Variants in CNTNAP5 observed in about 807,000 individuals in gnomAD.
The protein encoded by CNTNAP5 is contactin-associated protein-like 5.
A neutral mutation model predicts 150.2 loss-of-function variants in CNTNAP5; 72 were observed. The observed-to-expected ratio is 0.48, with a 90% CI of 0.40 to 0.58. The LOEUF (loss-of-function observed/expected upper bound fraction) is 0.58, where lower values mean the gene tolerates loss of function less well. Ranked by LOEUF, CNTNAP5 falls within the 20% of genes least tolerant of loss-of-function variation. The probability of loss-of-function intolerance (pLI) is 0.00; values close to 1 mark genes in which losing one functional copy is unlikely to be tolerated. For synonymous variants in CNTNAP5, 672 were observed against 619.8 expected, an observed-to-expected ratio of 1.08 and a Z score of -1.25; for missense variants, 1,636 against 1,626.2, an observed-to-expected ratio of 1.01 and a Z score of -0.10.
chr2:124,423,524 A>G (rs575467225), intron 4 of CNTNAP5, among the ~76,000 whole-genome samples: 1 of 151,090 alleles, frequency 6.6e-6, no homozygotes, highest in East Asian at 2.0e-4. Context: ...TTATTTATTT[A>G]TTTTTTGTAT....
chr2:124,856,431 T>G (rs2104709217), intron 19 of CNTNAP5, among the ~76,000 whole-genome samples: 1 of 152,322 alleles, frequency 6.6e-6, no homozygotes, highest in African/African-American at 2.4e-5. Flanking sequence ...TCTACAATGG[T>G]TGTACTAGTT....
intron 13 of CNTNAP5, among the ~76,000 whole-genome samples, chr2:124,662,485 A>G (rs983152155): frequency 6.6e-6 from 1 of 152,212 alleles, no homozygotes; most frequent in Non-Finnish European, 1.5e-5. Context: ...GACTGTATAC[A>G]TGTATTTATA....
chr2:124,784,420 A>G (rs1681521639), intron 17 of CNTNAP5, among the ~76,000 whole-genome samples: 1 of 152,168 alleles, frequency 6.6e-6, no homozygotes, highest in Non-Finnish European at 1.5e-5. Context: ...GTTTTCAAAG[A>G]CAGTCTTAGA....
chr2:124,711,048 G>C (rs1679796110), intron 13 of CNTNAP5, among the ~76,000 whole-genome samples: 1 of 152,018 alleles, frequency 6.6e-6, no homozygotes, highest in African/African-American at 2.4e-5. Flanking sequence ...AGAGGCGGGT[G>C]GATTACGAGG....
chr2:124,605,108 G>A (rs1697071386), intron 11 of CNTNAP5, among the ~76,000 whole-genome samples: 1 of 152,082 alleles, frequency 6.6e-6, no homozygotes, highest in East Asian at 1.9e-4. Flanking sequence ...AAACTCCCCT[G>A]CTACAGTGTG....
intron 3 of CNTNAP5, among the ~76,000 whole-genome samples, chr2:124,289,566 A>G (rs548895334): frequency 1.3e-5 from 2 of 152,242 alleles, no homozygotes; most frequent in Non-Finnish European, 2.9e-5. Context: ...AAACGTAATA[A>G]AATGAAATCT....
intron 10 of CNTNAP5, among the ~76,000 whole-genome samples, chr2:124,555,295 T>C (rs1393337864): frequency 6.6e-6 from 1 of 152,142 alleles, no homozygotes; most frequent in African/African-American, 2.4e-5. Context: ...GGCTTAAAAA[T>C]TGCATGCCTA....
chr2:124,376,553 A>G lies in CNTNAP5; in HGVS notation c.382-40890A>G, dbSNP rs142465150. On this transcript the variant is annotated intron_variant, in intron 3 of 23. Transcript: ENST00000682447. ...AAATACCAGGATGCTTGACATTACT[A>G]TATGTACCGTGTGTGTGTGAGTGTG... Among the ~76,000 whole-genome samples the G allele has an allele frequency of 1.1e-4, 17 of 152,034 alleles. No individual in the cohort carries two copies. In the East Asian group the frequency reaches 2.9e-3, roughly 26 times the overall value.
intron 8 of CNTNAP5, among the ~76,000 whole-genome samples, chr2:124,515,958 C>G (rs1694705408): frequency 6.6e-6 from 1 of 152,116 alleles, no homozygotes; most frequent in African/African-American, 2.4e-5. Context: ...TAACCTTGCT[C>G]TTTAGGTAGT....
At chr2:124,468,539 C>A (rs943652152) in intron 6 of CNTNAP5, among the ~76,000 whole-genome samples, 1 of 151,994 alleles carries the variant, frequency 6.6e-6, no homozygotes, top group Non-Finnish European at 1.5e-5. Context: ...TGTGGGTGGA[C>A]CTTCCTGAGG....
At chr2:124,577,849 G>A (rs989828897) in intron 11 of CNTNAP5, among the ~76,000 whole-genome samples, 1 of 152,138 alleles carries the variant, frequency 6.6e-6, no homozygotes, top group Non-Finnish European at 1.5e-5. Flanking sequence ...CATTAACTTG[G>A]TTGGAGTTGG....
Position 124,637,495 on chromosome 2 carries a change from C to T in CNTNAP5, c.1877-10263C>T, listed in dbSNP as rs546301228. ...TTGTCCCGATACTGGGGATGCTTCT[C>T]GCTATCATTTGGCTAACACAGCTCT... On this transcript the variant is annotated intron_variant, in intron 12 of 23. Coordinates refer to ENST00000682447, the MANE Select transcript of CNTNAP5 (RefSeq NM_001367498.1). Among the ~76,000 whole-genome samples the T allele has an allele frequency of 3.9e-5, 6 of 152,282 alleles. No homozygotes were observed. In the South Asian group the frequency reaches 6.2e-4, roughly 16 times the overall value.
chr2:124,882,358 T>G (rs1156729141), intron 21 of CNTNAP5, among the ~76,000 whole-genome samples: 1 of 152,036 alleles, frequency 6.6e-6, no homozygotes, highest in African/African-American at 2.4e-5. Flanking sequence ...GGGTGTGGGA[T>G]TGTTTATTCC....
At chr2:124,326,128 A>G (rs913909040) in intron 3 of CNTNAP5, among the ~76,000 whole-genome samples, 4 of 152,212 alleles carry the variant, frequency 2.6e-5, no homozygotes, top group Non-Finnish European at 5.9e-5. Flanking sequence ...GCCAAAGTAC[A>G]TTAAGTGGAG....
At chr2:124,879,160 G>A (rs981596442) in intron 21 of CNTNAP5, among the ~76,000 whole-genome samples, 1 of 152,030 alleles carries the variant, frequency 6.6e-6, no homozygotes, top group Non-Finnish European at 1.5e-5. Flanking sequence ...AAACACCCCA[G>A]ACATTACCAC....
At chr2:124,225,475 C>T (rs1284994920) in intron 2 of CNTNAP5, among the ~76,000 whole-genome samples, 1 of 152,108 alleles carries the variant, frequency 6.6e-6, no homozygotes, top group East Asian at 1.9e-4. Context: ...TACTTCCCTC[C>T]CTCTTATGTG....
intron 19 of CNTNAP5, among the ~76,000 whole-genome samples, chr2:124,857,552 AG>A (rs1378546003): frequency 4.6e-5 from 7 of 151,984 alleles, no homozygotes; most frequent in Non-Finnish European, 8.8e-5. Flanking sequence ...CAGGCCAGGC[AG>A]GGGAGCTCAT....
At chr2:124,533,936 C>A (rs1031351578) in intron 10 of CNTNAP5, among the ~76,000 whole-genome samples, 2 of 152,120 alleles carry the variant, frequency 1.3e-5, no homozygotes, top group Non-Finnish European at 2.9e-5. Flanking sequence ...TCACAGCCTG[C>A]GGGTGGTGGT....
intron 3 of CNTNAP5, among the ~76,000 whole-genome samples, chr2:124,414,907 G>C (rs1302232850): frequency 2.0e-5 from 3 of 152,112 alleles, no homozygotes; most frequent in African/African-American, 4.8e-5. Flanking sequence ...GGAATTGAGA[G>C]TGCTGAAGAG....
Sources: gnomAD v4.1 joint callset for allele counts (sites outside exome capture counted in the v4.1 genomes callset) on GRCh38, gnomAD v4.1.1 for gene constraint, MANE v1.5 for transcripts, NCBI Gene and HGNC (gene_info 2026-07-23, HGNC 2026-07-21) for gene names.